SLC17A5: variants seen among roughly 807,000 people sequenced by gnomAD.
The protein encoded by SLC17A5 is solute carrier family 17 member 5.
In SLC17A5, 47 loss-of-function variants were observed where a neutral mutation model predicts 59.4. That is an observed-to-expected ratio of 0.79 (90% CI 0.63 to 1.01). The LOEUF (loss-of-function observed/expected upper bound fraction) is 1.01. SLC17A5 is among the 50% of genes least tolerant of loss of function. The pLI, the probability that SLC17A5 is intolerant of heterozygous loss-of-function variation, is 0.00. For synonymous variants in SLC17A5, 202 were observed against 210.7 expected (o/e 0.96, Z 0.36); for missense variants, 522 against 595.5 (o/e 0.88, Z 1.28).
At chr6:73,614,864 A>C (rs550357154) in intron 8 of SLC17A5, among the ~76,000 whole-genome samples, 25 of 152,250 alleles carry the variant, frequency 1.6e-4, no homozygotes, top group Non-Finnish European at 3.2e-4. Context: ...TACCCTTTAT[A>C]ATAAGTGGGT....
rs1766663743 is a variant in SLC17A5, at chr6:73,593,536, C to CTG, written c.*1540_*1541insCA. 1 of 152,178 alleles carries CTG rather than the reference C, an allele frequency of 6.6e-6. No homozygotes were observed. The highest frequency in any genetic ancestry group is 2.4e-5 in the African/African-American group (1 of 41,446). The allele number at this position is 152,178 out of a possible 1,614,324, so 9.4% of individuals were successfully genotyped here. A position where few individuals can be genotyped will look rare whatever the true frequency, so the allele number is the denominator to read the frequency against. ...CGTAGTGTTGAACACAAAACATAAA[C>CTG]TAAGTTTTAAGCCACATAGGTGTTC... On this transcript the variant is annotated 3_prime_UTR_variant, in exon 11 of 11. Transcript: ENST00000355773.
chr6:73,624,506 T>C (rs1037291656), intron 6 of SLC17A5, among the ~76,000 whole-genome samples: 1 of 152,266 alleles, frequency 6.6e-6, no homozygotes, highest in Non-Finnish European at 1.5e-5. Context: ...ATTTCATCTA[T>C]CAATCCTTTA....
At chr6:73,638,110 C>T (rs1769108334) in intron 4 of SLC17A5, among the ~76,000 whole-genome samples, 1 of 150,658 alleles carries the variant, frequency 6.6e-6, no homozygotes, top group South Asian at 2.1e-4. Flanking sequence ...ATTTAAAACC[C>T]CCAAAAAAGT....
At chr6:73,615,549 T>C (rs2150091741) in intron 7 of SLC17A5, 102 bp from the exon 8 acceptor site, 1 of 1,112,572 alleles carries the variant, frequency 9.0e-7, no homozygotes, top group Non-Finnish European at 1.3e-6. Flanking sequence ...GCAAAGGAAA[T>C]GCATAGCAAT....
chr6:73,640,041 G>A (rs781015478), intron 3 of SLC17A5, among the ~76,000 whole-genome samples: 41 of 152,236 alleles, frequency 2.7e-4, no homozygotes, highest in African/African-American at 6.3e-4. Flanking sequence ...GTGAGACTCC[G>A]TCTCAAAGAC....
In SLC17A5 at chr6:73,641,173, G is replaced by A. The variant is rs9446967; in HGVS notation, c.525+518C>T. ...TGGCTCACTGCAACCTCTGCCTCCC[G>A]GGTTCAAGCAGTTCTCCCACTTCAT... On this transcript the variant is annotated intron_variant, in intron 3 of 10. Coordinates refer to ENST00000355773, the MANE Select transcript of SLC17A5 (RefSeq NM_012434.5). Among the ~76,000 whole-genome samples the A allele has an allele frequency of 7.0e-3, 1,071 of 152,132 alleles. 10 individuals are homozygous for A. Among genetic ancestry groups the A allele is most frequent in the African/African-American group, 0.024 (980 of 41,500 alleles).
At chr6:73,607,124 C>T (rs1212960239) in intron 9 of SLC17A5, among the ~76,000 whole-genome samples, 1 of 152,210 alleles carries the variant, frequency 6.6e-6, no homozygotes, top group Non-Finnish European at 1.5e-5. Context: ...AAAATAATTA[C>T]ATCTATTGCA....
chr6:73,611,281 C>T (rs1025165751), intron 8 of SLC17A5, among the ~76,000 whole-genome samples: 2 of 150,968 alleles, frequency 1.3e-5, no homozygotes, highest in African/African-American at 4.8e-5. Context: ...TGTCTTCATT[C>T]TCTCTCTCTT....
At chr6:73,616,887 A>T (rs1156435590) in intron 7 of SLC17A5, among the ~76,000 whole-genome samples, 1 of 151,584 alleles carries the variant, frequency 6.6e-6, no homozygotes, top group Non-Finnish European at 1.5e-5. Context: ...GATTACAGGG[A>T]TGAGCCACCG....
intron 10 of SLC17A5, among the ~76,000 whole-genome samples, chr6:73,596,153 G>A (rs1766789988): frequency 6.6e-6 from 1 of 152,000 alleles, no homozygotes; most frequent in South Asian, 2.1e-4. Context: ...AAAGTTTACT[G>A]AAGATAGATA....
rs886061728 is a variant in SLC17A5, at chr6:73,593,745, A to T, written c.*1332T>A. 10 of 150,950 alleles carry T rather than the reference A, an allele frequency of 6.6e-5. No homozygotes were observed. Among genetic ancestry groups the T allele is most frequent in the African/African-American group, 4.9e-5 (2 of 41,122 alleles). 9.4% of individuals were successfully genotyped at this position (150,950 alleles called of 1,614,324 possible). ...ACTGAACAAACAGTGAGAATTAATT[A>T]AAAAAAAAATTCTCGTGTAGCTTAA... On this transcript the variant is annotated 3_prime_UTR_variant, in exon 11 of 11. Transcript: ENST00000355773.
chr6:73,644,967 T>C (rs1246308087), intron 1 of SLC17A5, among the ~76,000 whole-genome samples: 1 of 152,164 alleles, frequency 6.6e-6, no homozygotes, highest in Non-Finnish European at 1.5e-5. Flanking sequence ...GAGCCTGAAC[T>C]ATAAAAAAGT....
At chr6:73,595,980 AT>A (rs1427532470) in intron 10 of SLC17A5, among the ~76,000 whole-genome samples, 4 of 123,956 alleles carry the variant, frequency 3.2e-5, no homozygotes, top group Non-Finnish European at 6.8e-5. Flanking sequence ...ATATATATAT[AT>A]TTTTGGTAGA....
chr6:73,632,264 A>C (rs1233540634), intron 6 of SLC17A5, among the ~76,000 whole-genome samples: 1 of 131,000 alleles, frequency 7.6e-6, no homozygotes, highest in Admixed American at 9.1e-5. Flanking sequence ...GTGCCACTGT[A>C]CTCCAGCCTG....
At chr6:73,614,639 T>C (rs925088204) in intron 8 of SLC17A5, among the ~76,000 whole-genome samples, 3 of 152,108 alleles carry the variant, frequency 2.0e-5, no homozygotes, top group Non-Finnish European at 2.9e-5. Flanking sequence ...GGGCTGAAGG[T>C]TGAGCCAGTC....
At chr6:73,637,664 C>A (rs1313539339) in intron 4 of SLC17A5, among the ~76,000 whole-genome samples, 1 of 152,056 alleles carries the variant, frequency 6.6e-6, no homozygotes, top group Non-Finnish European at 1.5e-5. Flanking sequence ...TTATTTCTTG[C>A]CTGAGTGCCC....
intron 2 of SLC17A5, among the ~76,000 whole-genome samples, chr6:73,643,043 C>G (rs982168313): frequency 6.6e-6 from 1 of 151,934 alleles, no homozygotes; most frequent in Non-Finnish European, 1.5e-5. Flanking sequence ...AGAGAGAAAC[C>G]CTCTTTCCTG....
chr6:73,642,005 A>C, intron 2 of SLC17A5, 81 bp from the exon 3 acceptor site: 1 of 1,232,662 alleles, frequency 8.1e-7, no homozygotes, highest in Non-Finnish European at 1.2e-6. Flanking sequence ...ATGTAAGTAC[A>C]TATAAATGAG....
intron 1 of SLC17A5, among the ~76,000 whole-genome samples, chr6:73,647,396 A>G (rs1769633163): frequency 6.6e-6 from 1 of 152,242 alleles, no homozygotes; most frequent in African/African-American, 2.4e-5. Context: ...GGCAGATCTG[A>G]GATGTTTAAA....
Sources: gnomAD v4.1 joint callset for allele counts (sites outside exome capture counted in the v4.1 genomes callset) on GRCh38, gnomAD v4.1.1 for gene constraint, MANE v1.5 for transcripts, NCBI Gene and HGNC (gene_info 2026-07-23, HGNC 2026-07-21) for gene names.